LYN: variants seen among roughly 807,000 people sequenced by gnomAD.
The protein encoded by LYN is tyrosine-protein kinase Lyn.
A neutral mutation model predicts 65.0 loss-of-function variants in LYN; 12 were observed. The ratio of observed to expected loss-of-function variants is 0.18; its 90% confidence interval spans 0.12 to 0.30. LYN has a LOEUF of 0.30. Ranked by LOEUF, LYN falls within the 10% of genes least tolerant of loss-of-function variation. The pLI is 1.00. For synonymous variants in LYN, 222 were observed against 221.2 expected (o/e 1.00, Z -0.03); for missense variants, 380 against 623.2 (o/e 0.61, Z 4.16).
At chr8:55,893,725 T>C (rs140481302) in intron 1 of LYN, 3 of 152,360 alleles carry the variant, frequency 2.0e-5, no homozygotes, top group African/African-American at 7.2e-5. Flanking sequence ...GTTCCAGATA[T>C]ACTCAGAGAG....
intron 12 of LYN, among the ~76,000 whole-genome samples, chr8:56,000,368 T>A (rs1808479516): frequency 4.6e-5 from 7 of 152,134 alleles, no homozygotes. Flanking sequence ...TCCTAACACC[T>A]GAAGCCTGCA....
intron 10 of LYN, among the ~76,000 whole-genome samples, chr8:55,979,469 A>C (rs1325589181): frequency 6.6e-6 from 1 of 152,146 alleles, no homozygotes; most frequent in Non-Finnish European, 1.5e-5. Flanking sequence ...GAAACACAGC[A>C]TTCTTCGCCT....
intron 10 of LYN, among the ~76,000 whole-genome samples, chr8:55,970,215 G>A (rs1020238869): frequency 6.6e-6 from 1 of 152,180 alleles, no homozygotes; most frequent in African/African-American, 2.4e-5. Context: ...TGAAAACAGA[G>A]GAACTATGTC....
intron 2 of LYN, among the ~76,000 whole-genome samples, chr8:55,943,093 G>A (rs553998423): frequency 3.3e-5 from 5 of 152,238 alleles, no homozygotes; most frequent in Non-Finnish European, 7.4e-5. Context: ...GAAATACTTG[G>A]CAAAGAAAGA....
At chr8:55,994,495 A>G (rs756743350) in intron 10 of LYN, among the ~76,000 whole-genome samples, 1 of 152,218 alleles carries the variant, frequency 6.6e-6, no homozygotes, top group Non-Finnish European at 1.5e-5. Context: ...GGATGTGGGT[A>G]GGTGTGACAA....
chr8:55,892,003 A>C (rs1266916402), intron 1 of LYN, among the ~76,000 whole-genome samples: 1 of 152,240 alleles, frequency 6.6e-6, no homozygotes, highest in East Asian at 1.9e-4. Flanking sequence ...GAGATTGTGG[A>C]TTACAAAGTA....
intron 10 of LYN, among the ~76,000 whole-genome samples, chr8:55,995,728 T>G (rs986208741): frequency 6.6e-6 from 1 of 150,792 alleles, no homozygotes; most frequent in Non-Finnish European, 1.5e-5. Flanking sequence ...AGGCAGGGGG[T>G]GTAGAAGCAC....
chr8:55,987,622 G>A (rs937502341), intron 10 of LYN, among the ~76,000 whole-genome samples: 2 of 151,996 alleles, frequency 1.3e-5, no homozygotes, highest in African/African-American at 4.8e-5. Context: ...CACCACATTG[G>A]GCAGGCTGGT....
intron 10 of LYN, among the ~76,000 whole-genome samples, chr8:55,981,637 TG>T (rs771682643): frequency 1.8e-4 from 28 of 152,346 alleles, no homozygotes; most frequent in Non-Finnish European, 3.7e-4. Context: ...ATTATAGGTG[TG>T]AGCCACCGTG....
rs186456514 is a variant in LYN, at chr8:55,921,392, A to G, written c.-5-20463A>G. ...TTTACAGTCTATCGAGGAGAGAGCTATACACGTACTAACTGATAGACACCT... is the reference window on the plus strand; with the variant it reads ...TTTACAGTCTATCGAGGAGAGAGCTGTACACGTACTAACTGATAGACACCT... On this transcript the variant is annotated intron_variant, in intron 1 of 12. Transcript: ENST00000519728. Among the ~76,000 whole-genome samples, 114 of 152,340 alleles carry G rather than the reference A, an allele frequency of 7.5e-4. 1 individual carries two copies. Among genetic ancestry groups the G allele is most frequent in the African/African-American group, 2.6e-3 (109 of 41,570 alleles).
chr8:55,993,138 C>T lies in LYN; in HGVS notation c.1051-5208C>T, dbSNP rs564947573. On this transcript the variant is annotated intron_variant, in intron 10 of 12. Transcript: ENST00000519728. ...CCTTCTTTCCTCATGTTTAATTTCT[C>T]CTGTTAAGGATGCCTTAACTTTAAA... is the stretch of plus-strand genomic sequence containing the variant. Among the ~76,000 whole-genome samples the T allele has an allele frequency of 2.9e-4, 44 of 152,270 alleles. 1 individual carries two copies. In the East Asian group the frequency reaches 8.3e-3, roughly 29 times the overall value.
chr8:55,950,515 C>T lies in LYN; in HGVS notation c.341C>T (p.Pro114Leu), dbSNP rs2130491773. Reference protein sequence around the residue: ...SLLTKKEGFIPSNYVAKLNTL... With the variant: ...SLLTKKEGFILSNYVAKLNTL... ...TTAACAAAAAAAGAAGGCTTCATCC[C>T]CAGCAACTATGTGGCCAAACTCAAC... Residue 114 changes from proline to leucine, a missense_variant, in exon 5 of 13, where the codon CCC becomes CTC. Around this residue, in one of 2 missense-constraint regions of LYN, gnomAD observed 157 missense variants for 193.2 expected, o/e 0.81. Transcript: ENST00000519728. 1 of 1,613,848 alleles carries T rather than the reference C, an allele frequency of 6.2e-7. No individual in the cohort carries two copies. The highest frequency in any genetic ancestry group is 1.1e-5 in the South Asian group (1 of 90,970).
At chr8:55,891,276 C>A (rs545683890) in intron 1 of LYN, among the ~76,000 whole-genome samples, 6 of 150,884 alleles carry the variant, frequency 4.0e-5, no homozygotes, top group African/African-American at 1.5e-4. Context: ...CACTTGAACC[C>A]GGGAGGCAGA....
rs148776915 is a variant in LYN at position 55,883,725 on chromosome 8, C to T, written c.-6+3622C>T. 1.5e-3 allele frequency among the ~76,000 whole-genome samples: 229 copies of T among 152,274 alleles called. 1 individual carries two copies. The highest frequency in any genetic ancestry group is 5.1e-3 in the African/African-American group (210 of 41,548). ...TTAAGGAGACAGGGCTCATAGGACG[C>T]ACATTAAAACACCTGATCATTTTGA... On this transcript the variant is annotated intron_variant, in intron 1 of 12. Coordinates refer to ENST00000519728, the MANE Select transcript of LYN (RefSeq NM_002350.4).
At chr8:55,987,301 G>A (rs1042814722) in intron 10 of LYN, among the ~76,000 whole-genome samples, 5 of 151,884 alleles carry the variant, frequency 3.3e-5, no homozygotes, top group African/African-American at 9.7e-5. Flanking sequence ...CCAGCTACTG[G>A]GGAGGCTGAG....
chr8:55,947,466 G>A (rs16922461), intron 3 of LYN, 152 bp from the exon 4 acceptor site: 117,235 of 629,388 alleles, frequency 0.19, 12,539 homozygotes, highest in African/African-American at 0.34. Context: ...TCTGTGGGCC[G>A]TGCAGACCCT....
rs1808791357 is a variant in LYN at position 56,010,727 on chromosome 8, T to C, written c.*617T>C. The C allele has an allele frequency of 9.1e-6, 2 of 218,608 alleles. No homozygotes were observed. The highest frequency in any genetic ancestry group is 4.7e-5 in the African/African-American group (2 of 42,678). The allele number at this position is 218,608 out of a possible 1,614,324, so 13.5% of individuals were successfully genotyped here. On this transcript the variant is annotated 3_prime_UTR_variant, in exon 13 of 13. Transcript: ENST00000519728. ...TTCTTCTATGAACACTGCTCAGACC[T>C]GCTAGACATGCCATAGGAGTGGCGT... is the stretch of plus-strand genomic sequence containing the variant.
intron 1 of LYN, among the ~76,000 whole-genome samples, chr8:55,899,472 A>G (rs1366190884): frequency 4.6e-5 from 7 of 152,234 alleles, no homozygotes; most frequent in Admixed American, 4.6e-4. Flanking sequence ...ACATAAATGT[A>G]AACGCAGGAA....
At chr8:55,897,145 G>T (rs1454982975) in intron 1 of LYN, among the ~76,000 whole-genome samples, 1 of 152,088 alleles carries the variant, frequency 6.6e-6, no homozygotes, top group Non-Finnish European at 1.5e-5. Context: ...ACATCCACAG[G>T]TATCTTCTGA....
Sources: allele counts gnomAD v4.1 joint callset (sites outside exome capture counted in the v4.1 genomes callset), GRCh38; gene constraint gnomAD v4.1.1; regional missense constraint gnomAD v4.1.1; transcripts MANE v1.5; gene names NCBI Gene and HGNC (gene_info 2026-07-23, HGNC 2026-07-21).